Variants in PTK7 observed in about 807,000 individuals in gnomAD.
The protein encoded by PTK7 is inactive tyrosine-protein kinase 7.
In PTK7, 39 loss-of-function variants were observed where a neutral mutation model predicts 116.6. The ratio of observed to expected loss-of-function variants is 0.33; its 90% CI spans 0.26 to 0.44. The LOEUF (loss-of-function observed/expected upper bound fraction) is 0.44, where lower values mean the gene tolerates loss of function less well. Ranked by LOEUF, PTK7 falls within the 20% of genes least tolerant of loss-of-function variation. The pLI is 1.00. For missense variants in PTK7, 1,169 were observed against 1,425.6 expected (o/e 0.82, Z 2.90); for synonymous variants, 546 against 563.6 (o/e 0.97, Z 0.44).
intron 5 of PTK7, chr6:43,131,794 C>T (rs930132775): frequency 2.3e-5 from 14 of 605,396 alleles, no homozygotes; most frequent in East Asian, 1.2e-4. Flanking sequence ...CATTGCTTCC[C>T]GAGCTGATCT....
intron 1 of PTK7, among the ~76,000 whole-genome samples, chr6:43,104,097 A>G (rs1767730420): frequency 1.3e-5 from 2 of 152,208 alleles, no homozygotes; most frequent in Non-Finnish European, 2.9e-5. Flanking sequence ...CAGTAATTTA[A>G]TGACTATTCT....
intron 17 of PTK7, among the ~76,000 whole-genome samples, chr6:43,149,424 G>A (rs1008093736): frequency 1.4e-4 from 21 of 152,206 alleles, no homozygotes; most frequent in African/African-American, 5.1e-4. Flanking sequence ...GGGAATTAGA[G>A]TATTTGAGAG....
intron 17 of PTK7, among the ~76,000 whole-genome samples, chr6:43,157,346 ATATATATATATATATAT>A (rs1771513938): frequency 1.9e-4 from 1 of 5,330 alleles, no homozygotes. Flanking sequence ...ATATATATAT[ATATATATATATATATAT>A]ATTTTTTTTT....
chr6:43,152,446 T>C (rs1771173134), intron 17 of PTK7, among the ~76,000 whole-genome samples: 1 of 152,212 alleles, frequency 6.6e-6, no homozygotes, highest in South Asian at 2.1e-4. Flanking sequence ...CAAGAATTGC[T>C]TGAACTTGGG....
At chr6:43,137,194 T>C (rs762972303) in intron 7 of PTK7, among the ~76,000 whole-genome samples, 12 of 152,156 alleles carry the variant, frequency 7.9e-5, no homozygotes, top group Non-Finnish European at 1.5e-4. Context: ...TCTGGCTGTT[T>C]TGAGACTAGA....
chr6:43,159,046 G>A, intron 18 of PTK7, 78 bp downstream of exon 18: 1 of 1,563,014 alleles, frequency 6.4e-7, no homozygotes, highest in Non-Finnish European at 8.7e-7. Context: ...AGTTTGGGGG[G>A]TGTGGGAAAG....
chr6:43,097,833 G>T (rs1205884769), intron 1 of PTK7, among the ~76,000 whole-genome samples: 1 of 152,182 alleles, frequency 6.6e-6, no homozygotes, highest in Admixed American at 6.5e-5. Flanking sequence ...TGAATTAGCT[G>T]CTGCTTTCTG....
rs575636416 is a variant in PTK7 at position 43,123,634 on chromosome 6, G to T, written c.80-5343G>T. Among the ~76,000 whole-genome samples the T allele has an allele frequency of 1.9e-3, 288 of 152,316 alleles. 1 individual carries two copies. The highest frequency in any genetic ancestry group is 3.2e-3 in the Non-Finnish European group (215 of 68,026). ...GGGGTGGAGGGCAGGCACGGGAGAC[G>T]CAGGCAGAGTGAGTGTCTGCATATA... On this transcript the variant is annotated intron_variant, in intron 1 of 19. Transcript: ENST00000230419.
intron 7 of PTK7, among the ~76,000 whole-genome samples, chr6:43,135,867 C>A (rs1770005002): frequency 6.6e-6 from 1 of 151,970 alleles, no homozygotes. Context: ...CCAGCCTGGC[C>A]AACATGGTGA....
At chr6:43,134,535 A>C (rs1165797535) in intron 7 of PTK7, among the ~76,000 whole-genome samples, 2 of 151,944 alleles carry the variant, frequency 1.3e-5, no homozygotes, top group Non-Finnish European at 2.9e-5. Flanking sequence ...TAATCCCAGC[A>C]CTTTGGGAGG....
At chr6:43,116,525 C>G (rs1033520485) in intron 1 of PTK7, among the ~76,000 whole-genome samples, 2 of 152,024 alleles carry the variant, frequency 1.3e-5, no homozygotes, top group Admixed American at 1.3e-4. Flanking sequence ...TCTCTTATCC[C>G]TTTGAAACCA....
chr6:43,099,563 C>G (rs972172980), intron 1 of PTK7, among the ~76,000 whole-genome samples: 7 of 151,986 alleles, frequency 4.6e-5, no homozygotes, highest in Admixed American at 4.6e-4. Context: ...CCAGTAGGTA[C>G]TAGGGATATA....
chr6:43,150,840 C>T (rs1266709196), intron 17 of PTK7, among the ~76,000 whole-genome samples: 3 of 114,198 alleles, frequency 2.6e-5, no homozygotes, highest in Non-Finnish European at 4.9e-5. Context: ...CTCGCTCTGT[C>T]TCTGTCACTC....
chr6:43,126,984 G>T (rs1225417962), intron 1 of PTK7, among the ~76,000 whole-genome samples: 3 of 152,178 alleles, frequency 2.0e-5, no homozygotes, highest in Non-Finnish European at 4.4e-5. Context: ...TTGGGAGACG[G>T]ACCAACACCA....
chr6:43,111,602 C>T (rs1259245572), intron 1 of PTK7, among the ~76,000 whole-genome samples: 1 of 152,222 alleles, frequency 6.6e-6, no homozygotes, highest in East Asian at 1.9e-4. Context: ...ACTGCTACCT[C>T]TGTTACCATG....
chr6:43,090,798 A>C (rs1766905724), intron 1 of PTK7, among the ~76,000 whole-genome samples: 1 of 152,158 alleles, frequency 6.6e-6, no homozygotes, highest in Non-Finnish European at 1.5e-5. Flanking sequence ...AGGCTCGTTA[A>C]ATGTGCTTTA....
chr6:43,084,884 C>T (rs924052485), intron 1 of PTK7, among the ~76,000 whole-genome samples: 11 of 152,078 alleles, frequency 7.2e-5, no homozygotes, highest in African/African-American at 2.7e-4. Context: ...TAGTCAGTGA[C>T]GGCCTCAGAA....
chr6:43,090,090 G>C (rs542846003), intron 1 of PTK7, among the ~76,000 whole-genome samples: 1 of 152,308 alleles, frequency 6.6e-6, no homozygotes, highest in South Asian at 2.1e-4. Context: ...AATTTTAGGC[G>C]AGTCTCTACT....
intron 10 of PTK7, among the ~76,000 whole-genome samples, chr6:43,140,761 G>T (rs995619295): frequency 6.6e-6 from 1 of 152,056 alleles, no homozygotes; most frequent in Non-Finnish European, 1.5e-5. Context: ...GGTGGTGCAT[G>T]CCTGTAGACA....
Sources: gnomAD v4.1 joint callset for allele counts (sites outside exome capture counted in the v4.1 genomes callset) on GRCh38, gnomAD v4.1.1 for gene constraint, MANE v1.5 for transcripts, NCBI Gene and HGNC (gene_info 2026-07-23, HGNC 2026-07-21) for gene names.